Variants in GRM7 observed in about 807,000 individuals in gnomAD.
The protein encoded by GRM7 is metabotropic glutamate receptor 7.
Under a neutral mutation model 84.5 loss-of-function variants are expected in GRM7, and 35 were observed. The ratio of observed to expected loss-of-function variants is 0.41; its 90% CI spans 0.32 to 0.55. The LOEUF is 0.55. Ranked by LOEUF, GRM7 falls within the 20% of genes least tolerant of loss-of-function variation. The pLI, the probability that GRM7 is intolerant of heterozygous loss-of-function variation, is 0.19. For synonymous variants in GRM7, 487 were observed against 455.1 expected (o/e 1.07, Z -0.89); for missense variants, 1,003 against 1,194.6 (o/e 0.84, Z 2.36).
rs149103346 is a variant in GRM7, at chr3:7,714,246, C to T, written c.2699-26111C>T. 3.0e-3 allele frequency among the ~76,000 whole-genome samples: 449 copies of T among 152,130 alleles called. 4 individuals carry two copies. Among genetic ancestry groups the T allele is most frequent in the African/African-American group, 0.01 (429 of 41,506 alleles). On this transcript the variant is annotated intron_variant, in intron 9 of 9. Coordinates refer to ENST00000357716, the MANE Select transcript of GRM7 (RefSeq NM_000844.4). Reference sequence around the variant, plus strand: ...TTGCACAAGGCCTTTTCACACATATCTAGTAAAGAGTAGGACAACTGAGGC... The same window carrying T: ...TTGCACAAGGCCTTTTCACACATATTTAGTAAAGAGTAGGACAACTGAGGC...
intron 2 of GRM7, among the ~76,000 whole-genome samples, chr3:7,233,953 G>A (rs1018008451): frequency 2.0e-5 from 3 of 151,862 alleles, no homozygotes; most frequent in Admixed American, 6.6e-5. Flanking sequence ...ATCCTAAAGC[G>A]GTTCAAGGCA....
chr3:6,987,863 G>A (rs528020720), intron 1 of GRM7, among the ~76,000 whole-genome samples: 2 of 152,228 alleles, frequency 1.3e-5, no homozygotes, highest in East Asian at 1.9e-4. Flanking sequence ...AGGCCAGGAT[G>A]GTAGCCATGG....
chr3:7,292,479 C>T (rs1459416597), intron 2 of GRM7, among the ~76,000 whole-genome samples: 2 of 152,112 alleles, frequency 1.3e-5, no homozygotes, highest in Non-Finnish European at 2.9e-5. Context: ...AGTTATTTAA[C>T]TTCAGAATGC....
At chr3:6,949,210 T>C (rs543119985) in intron 1 of GRM7, among the ~76,000 whole-genome samples, 3 of 152,346 alleles carry the variant, frequency 2.0e-5, no homozygotes, top group African/African-American at 4.8e-5. Flanking sequence ...TTCCTTTCCA[T>C]GTTTAATGCT....
intron 2 of GRM7, among the ~76,000 whole-genome samples, chr3:7,183,494 G>C (rs1246014842): frequency 6.6e-6 from 1 of 152,164 alleles, no homozygotes; most frequent in Non-Finnish European, 1.5e-5. Context: ...GGGCGTGGTG[G>C]TGCATGCCTG....
intron 1 of GRM7, among the ~76,000 whole-genome samples, chr3:7,062,705 T>C (rs1697471582): frequency 6.6e-6 from 1 of 151,732 alleles, no homozygotes; most frequent in Non-Finnish European, 1.5e-5. Flanking sequence ...ACATCTGTAC[T>C]CTATTAAATT....
intron 7 of GRM7, 76 bp downstream of exon 7, chr3:7,461,798 G>T (rs887797366): frequency 2.9e-6 from 4 of 1,395,462 alleles, no homozygotes; most frequent in African/African-American, 2.8e-5. Context: ...TTATACAAAT[G>T]TTTCTTGTTT....
intron 7 of GRM7, among the ~76,000 whole-genome samples, chr3:7,553,890 T>C (rs552292763): frequency 6.6e-6 from 1 of 152,352 alleles, no homozygotes; most frequent in Admixed American, 6.5e-5. Context: ...TTTTCATTTA[T>C]TGTATCTTCT....
In GRM7 at chr3:7,578,770, C is replaced by T. The variant is rs377633053; in HGVS notation, c.1864C>T (p.Arg622Trp). ...CCGCTACAATGACACGCCCATTGTC[C>T]GGGCATCTGGGCGGGAACTCAGCTA... Reference protein sequence around the residue: ...FIRYNDTPIVRASGRELSYVL... With the variant: ...FIRYNDTPIVWASGRELSYVL... The change falls in exon 8 of 10, where the codon CGG becomes TGG. Residue 622 changes from arginine (R) to tryptophan (W), a missense_variant. Coordinates refer to ENST00000357716, the MANE Select transcript of GRM7 (RefSeq NM_000844.4). 3.7e-6 allele frequency: 6 copies of T among 1,613,692 alleles called. No individual in the cohort carries two copies. The highest frequency in any genetic ancestry group is 3.3e-5 in the South Asian group (3 of 91,080).
At chr3:7,643,402 C>T (rs1223579518) in intron 8 of GRM7, among the ~76,000 whole-genome samples, 2 of 151,868 alleles carry the variant, frequency 1.3e-5, no homozygotes, top group Non-Finnish European at 2.9e-5. Context: ...AGTACTCATG[C>T]CCTACTTTAA....
At chr3:6,940,391 G>A (rs1050218376) in intron 1 of GRM7, among the ~76,000 whole-genome samples, 10 of 152,188 alleles carry the variant, frequency 6.6e-5, no homozygotes, top group African/African-American at 1.9e-4. Flanking sequence ...CGCCCGGCCC[G>A]TTTTTAATTT....
intron 1 of GRM7, among the ~76,000 whole-genome samples, chr3:7,015,225 C>T (rs943740219): frequency 1.3e-5 from 2 of 151,844 alleles, no homozygotes; most frequent in African/African-American, 4.8e-5. Flanking sequence ...TGCTGCTGCT[C>T]ACTCTTTGGG....
At chr3:7,108,135 ATCATTTACCT>A in intron 1 of GRM7, among the ~76,000 whole-genome samples, 1 of 152,164 alleles carries the variant, frequency 6.6e-6, no homozygotes, top group South Asian at 2.1e-4. Context: ...ATGATTGGAG[ATCATTTACCT>A]TCATAAGTAA....
chr3:7,220,974 T>C (rs1292315966), intron 2 of GRM7, among the ~76,000 whole-genome samples: 1 of 151,966 alleles, frequency 6.6e-6, no homozygotes, highest in African/African-American at 2.4e-5. Flanking sequence ...CACACCTGTG[T>C]TCCCAGCTAC....
intron 7 of GRM7, among the ~76,000 whole-genome samples, chr3:7,570,031 A>C (rs1425007218): frequency 1.3e-5 from 2 of 152,118 alleles, no homozygotes; most frequent in Admixed American, 1.3e-4. Context: ...AAACCATCAG[A>C]TCTCATGAGA....
chr3:7,331,447 C>A (rs1701205279), intron 4 of GRM7, among the ~76,000 whole-genome samples: 1 of 152,156 alleles, frequency 6.6e-6, no homozygotes. Flanking sequence ...TAAAATACAG[C>A]AGAAGCAGAG....
intron 7 of GRM7, among the ~76,000 whole-genome samples, chr3:7,496,443 A>T (rs962896618): frequency 4.6e-5 from 7 of 152,200 alleles, no homozygotes; most frequent in East Asian, 1.9e-4. Flanking sequence ...TATATTTTTT[A>T]AAAAATGATG....
intron 2 of GRM7, among the ~76,000 whole-genome samples, chr3:7,262,081 C>T (rs1010402323): frequency 2.0e-5 from 3 of 151,404 alleles, no homozygotes; most frequent in African/African-American, 7.3e-5. Flanking sequence ...CCTGACCTTT[C>T]TCTCTTATTG....
In GRM7 at chr3:7,135,503, T is replaced by C. The variant is rs142532953; in HGVS notation, c.520-10949T>C. Among the ~76,000 whole-genome samples the C allele has an allele frequency of 4.8e-3, 736 of 152,314 alleles. 5 individuals carry two copies. Among genetic ancestry groups the C allele is most frequent in the South Asian group, 0.022 (106 of 4,832 alleles). ...GGAAACTACCCTCTAGAACTAGCAT[T>C]AGTGAATTTTGTTTTGCCTTTCTGT... is the stretch of plus-strand genomic sequence containing the variant. On this transcript the variant is annotated intron_variant, in intron 1 of 9. Transcript: ENST00000357716.
Sources: gnomAD v4.1 joint callset for allele counts (sites outside exome capture counted in the v4.1 genomes callset) on GRCh38, gnomAD v4.1.1 for gene constraint, MANE v1.5 for transcripts, NCBI Gene and HGNC (gene_info 2026-07-23, HGNC 2026-07-21) for gene names.